The following NOXRED1 variants were observed in gnomAD, a reference collection of about 807,000 sequenced individuals.
The protein encoded by NOXRED1 is NADP dependent oxidoreductase domain containing 1.
NOXRED1 carries 20 observed loss-of-function variants against 30.4 expected under a neutral mutation model. That is an observed-to-expected ratio of 0.66 (90% CI 0.46 to 0.96). The LOEUF (loss-of-function observed/expected upper bound fraction) is 0.96, where lower values mean the gene tolerates loss of function less well. Ranked by LOEUF, NOXRED1 falls within the 40% of genes least tolerant of loss-of-function variation. The pLI is 0.00. For missense variants in NOXRED1, 374 were observed against 428.0 expected (o/e 0.87, Z 1.11); for synonymous variants, 155 against 168.0 (o/e 0.92, Z 0.60).
chr14:77,398,802 C>T (rs1427649237), intron 5 of NOXRED1, among the ~76,000 whole-genome samples: 1 of 152,014 alleles, frequency 6.6e-6, no homozygotes, highest in East Asian at 1.9e-4. Context: ...AACCCCATCT[C>T]TACTAAAAAT....
chr14:77,413,321 C>T (rs922088917), intron 2 of NOXRED1, among the ~76,000 whole-genome samples: 1 of 151,582 alleles, frequency 6.6e-6, no homozygotes, highest in African/African-American at 2.4e-5. Context: ...TCACTGCAAC[C>T]TCTGCCTCCT....
At chr14:77,414,785 T>C (rs1408599642) in intron 1 of NOXRED1, among the ~76,000 whole-genome samples, 2 of 152,226 alleles carry the variant, frequency 1.3e-5, no homozygotes, top group African/African-American at 4.8e-5. Context: ...GCCACTATTA[T>C]ACAGCATACT....
At chr14:77,411,189 C>A (rs1894638444) in intron 2 of NOXRED1, among the ~76,000 whole-genome samples, 1 of 152,086 alleles carries the variant, frequency 6.6e-6, no homozygotes, top group Non-Finnish European at 1.5e-5. Context: ...TATATTTCAG[C>A]TGGGCATGGT....
intron 2 of NOXRED1, among the ~76,000 whole-genome samples, chr14:77,409,860 G>A (rs1424865555): frequency 1.3e-5 from 2 of 150,810 alleles, no homozygotes; most frequent in African/African-American, 4.9e-5. Context: ...CCAGGCTGGA[G>A]TGCGTGGTAC....
Position 77,422,957 on chromosome 14 carries a change from G to A in NOXRED1, c.-68C>T, listed in dbSNP as rs1219122938. Reference sequence around the variant, plus strand: ...TGGCTCCCTGTCCCGGTAGAAGAGGGGTCTATGTAGGAGGTGTGTGTATGA... The same window carrying A: ...TGGCTCCCTGTCCCGGTAGAAGAGGAGTCTATGTAGGAGGTGTGTGTATGA... On this transcript the variant is annotated 5_prime_UTR_variant, in exon 1 of 6. Coordinates refer to ENST00000380835, the MANE Select transcript of NOXRED1 (RefSeq NM_001113475.3). The A allele has an allele frequency of 7.5e-7, 1 of 1,337,590 alleles. No homozygotes were observed. Among genetic ancestry groups the A allele is most frequent in the Non-Finnish European group, 1.0e-6 (1 of 953,574 alleles). The allele number at this position is 1,337,590 out of a possible 1,614,324, so 82.9% of individuals were successfully genotyped here. A position where few individuals can be genotyped will look rare whatever the true frequency, so the allele number is the denominator to read the frequency against.
chr14:77,414,875 T>C (rs1031652955), intron 1 of NOXRED1, among the ~76,000 whole-genome samples: 2 of 152,076 alleles, frequency 1.3e-5, no homozygotes, highest in Non-Finnish European at 2.9e-5. Flanking sequence ...TTTTTTTTTT[T>C]ATTGTGGTTA....
intron 5 of NOXRED1, among the ~76,000 whole-genome samples, chr14:77,397,377 A>C (rs1894215408): frequency 6.6e-6 from 1 of 152,232 alleles, no homozygotes; most frequent in South Asian, 2.1e-4. Context: ...GAAGTTACCA[A>C]GTTTGCAGCT....
At chr14:77,410,092 C>T (rs1376410831) in intron 2 of NOXRED1, among the ~76,000 whole-genome samples, 2 of 151,826 alleles carry the variant, frequency 1.3e-5, no homozygotes, top group Admixed American at 1.3e-4. Context: ...CATGAGCCAC[C>T]ATGCCCAGTT....
chr14:77,405,386 C>T (rs755677795), intron 5 of NOXRED1, among the ~76,000 whole-genome samples: 13 of 152,146 alleles, frequency 8.5e-5, no homozygotes, highest in Non-Finnish European at 1.9e-4. Flanking sequence ...CAGAGCAAGA[C>T]TGTCTCACAA....
upstream of NOXRED1, among the ~76,000 whole-genome samples, chr14:77,425,022 G>A (rs991331314): frequency 2.6e-5 from 4 of 152,144 alleles, no homozygotes; most frequent in Non-Finnish European, 4.4e-5. Flanking sequence ...TCACTCCTGG[G>A]CCAGGTGTTT....
chr14:77,420,920 TA>T (rs1311386694), intron 1 of NOXRED1, among the ~76,000 whole-genome samples: 2 of 152,230 alleles, frequency 1.3e-5, no homozygotes, highest in African/African-American at 4.8e-5. Flanking sequence ...CAGGGGCTGA[TA>T]ATCTTTTCCT....
intron 5 of NOXRED1, among the ~76,000 whole-genome samples, chr14:77,405,522 G>A (rs1894433741): frequency 6.6e-6 from 1 of 152,204 alleles, no homozygotes; most frequent in African/African-American, 2.4e-5. Context: ...AATGTGTCCG[G>A]TGGACACCTA....
chr14:77,416,159 C>T (rs907124754), intron 1 of NOXRED1, among the ~76,000 whole-genome samples: 1 of 152,178 alleles, frequency 6.6e-6, no homozygotes, highest in African/African-American at 2.4e-5. Flanking sequence ...GCATAATGTC[C>T]TCAAGCTTCA....
Position 77,406,054 on chromosome 14 carries a change from T to C in NOXRED1, c.764A>G (p.His255Arg). 6.2e-7 allele frequency: 1 copy of C among 1,613,644 alleles called. No individual in the cohort carries two copies. Among genetic ancestry groups the C allele is most frequent in the South Asian group, 1.1e-5 (1 of 91,044 alleles). The change falls in exon 5 of 6, where the codon CAC (histidine) becomes CGC (arginine). Residue 255 changes from histidine (H) to arginine (R), a missense_variant. Coordinates refer to ENST00000380835, the MANE Select transcript of NOXRED1 (RefSeq NM_001113475.3). ...ACTCAGAAGCTGCAGCACTTGGGAG[T>C]GGGCCATGTTTCTTGCTGTGCATAT... ...LNICTARNMAHSQVLQLLSEL... is the reference protein window; with the variant it reads ...LNICTARNMARSQVLQLLSEL...
intron 4 of NOXRED1, 107 bp from the exon 5 acceptor site, chr14:77,406,242 G>T: frequency 1.4e-6 from 1 of 715,980 alleles, no homozygotes; most frequent in Non-Finnish European, 2.4e-6. Context: ...TTCCAAGACA[G>T]ATTGGTAATA....
At chr14:77,417,482 G>T (rs1298210982) in intron 1 of NOXRED1, among the ~76,000 whole-genome samples, 1 of 152,182 alleles carries the variant, frequency 6.6e-6, no homozygotes, top group Admixed American at 6.5e-5. Context: ...ATATATAATT[G>T]TTGTGTCTTC....
At position 77,394,720 on chromosome 14, in the gene NOXRED1, C is replaced by CT; in HGVS notation, c.990dup (p.Asp331ArgfsTer75). 2 of 1,613,262 alleles carry CT rather than the reference C, an allele frequency of 1.2e-6. No individual in the cohort carries two copies. The highest frequency in any genetic ancestry group is 1.7e-6 in the Non-Finnish European group (2 of 1,179,288). On this transcript the variant is annotated frameshift_variant, in exon 6 of 6. Coordinates refer to ENST00000380835, the MANE Select transcript of NOXRED1 (RefSeq NM_001113475.3). LOFTEE classifies it low-confidence loss of function (END_TRUNC). ...GCACAGTATAGATGGGTAAGGTGGT[C>CT]TTGGAGAACAGGACTACTTGAGAGA...
chr14:77,410,154 C>T (rs1894609266), intron 2 of NOXRED1, among the ~76,000 whole-genome samples: 1 of 151,750 alleles, frequency 6.6e-6, no homozygotes, highest in Admixed American at 6.6e-5. Context: ...AAAAAATGGC[C>T]AGGTGTGGTG....
rs765065080 is a variant in NOXRED1, at chr14:77,406,024, A to G, written c.794T>C (p.Leu265Pro). Residue 265 changes from leucine (L) to proline (P), a missense_variant, in exon 5 of 6, where the codon CTC becomes CCC. By Grantham distance (98) the Leu-to-Pro change is moderately conservative. Transcript: ENST00000380835. The part of the protein sequence containing the change: ...HSQVLQLLSE[L>P]FLSVHFEDCG... Reference sequence around the variant, plus strand: ...GTCTTCAAAGTGCACGGAGAGAAAGAGTTCACTCAGAAGCTGCAGCACTTG... The same window carrying G: ...GTCTTCAAAGTGCACGGAGAGAAAGGGTTCACTCAGAAGCTGCAGCACTTG... 2.5e-6 allele frequency: 4 copies of G among 1,613,394 alleles called. No individual in the cohort carries two copies. The African/African-American group carries it at 5.3e-5, about 22-fold the overall frequency.
Sources: allele counts gnomAD v4.1 joint callset (sites outside exome capture counted in the v4.1 genomes callset), GRCh38; gene constraint gnomAD v4.1.1; transcripts MANE v1.5; gene names NCBI Gene and HGNC (gene_info 2026-07-23, HGNC 2026-07-21).